The following RRM2B variants were observed in gnomAD, a reference collection of about 807,000 sequenced individuals.
The protein encoded by RRM2B is ribonucleoside-diphosphate reductase subunit M2 B.
In RRM2B, 20 loss-of-function variants were observed where a neutral mutation model predicts 45.9. The ratio of observed to expected loss-of-function variants is 0.44; its 90% CI spans 0.31 to 0.63. The LOEUF (loss-of-function observed/expected upper bound fraction) is 0.63, where lower values mean the gene tolerates loss of function less well. Ranked by LOEUF, RRM2B falls within the 30% of genes least tolerant of loss-of-function variation. The probability of loss-of-function intolerance (pLI) is 0.09; values close to 1 mark genes in which losing one functional copy is unlikely to be tolerated. For missense variants in RRM2B, 320 were observed against 414.7 expected (o/e 0.77, Z 1.98); for synonymous variants, 124 against 132.3 (o/e 0.94, Z 0.43).
At chr8:102,218,163 G>A (rs28928596) in intron 6 of RRM2B, among the ~76,000 whole-genome samples, 3,768 of 152,246 alleles carry the variant, frequency 0.025, 166 homozygotes, top group African/African-American at 0.086. Context: ...TGGGACAAAG[G>A]GTAGGTTTTC....
chr8:102,221,092 T>C (rs1366388866), intron 5 of RRM2B, among the ~76,000 whole-genome samples: 1 of 152,198 alleles, frequency 6.6e-6, no homozygotes, highest in Admixed American at 6.5e-5. Context: ...TATATTTGTT[T>C]TGAAGTTATT....
chr8:102,233,958 C>T (rs1372830571), intron 1 of RRM2B, among the ~76,000 whole-genome samples: 1 of 152,150 alleles, frequency 6.6e-6, no homozygotes, highest in Non-Finnish European at 1.5e-5. Flanking sequence ...GTAGCTAGGA[C>T]TATGTGCACA....
At chr8:102,217,312 CAACAA>C (rs2132548144) in intron 6 of RRM2B, among the ~76,000 whole-genome samples, 1 of 151,992 alleles carries the variant, frequency 6.6e-6, no homozygotes, top group Non-Finnish European at 1.5e-5. Context: ...AGAAATACTT[CAACAA>C]AACAGTAAAT....
rs1052793273 is a variant in RRM2B at position 102,205,516 on chromosome 8, G to T, written c.*2617C>A. 1.3e-5 allele frequency: 2 copies of T among 152,090 alleles called. No individual in the cohort carries two copies. The highest frequency in any genetic ancestry group is 4.8e-5 in the African/African-American group (2 of 41,434). The allele number at this position is 152,090 out of a possible 1,614,324, so 9.4% of individuals were successfully genotyped here. On this transcript the variant is annotated 3_prime_UTR_variant, in exon 9 of 9. Coordinates refer to ENST00000251810, the MANE Select transcript of RRM2B (RefSeq NM_015713.5). ...CAGCAAAACCCAGTCCTGTCTAAAAGCAATGGATCAAACTGTCTTCTCAAG... is the reference window on the plus strand; with the variant it reads ...CAGCAAAACCCAGTCCTGTCTAAAATCAATGGATCAAACTGTCTTCTCAAG...
At chr8:102,224,017 C>T (rs1810880517) in intron 5 of RRM2B, 29 bp downstream of exon 5, 3 of 1,476,780 alleles carry the variant, frequency 2.0e-6, no homozygotes. Context: ...TTAGGCAAAT[C>T]TGATCATACA....
rs780954366 is a variant in RRM2B, at chr8:102,238,580, G to A, written c.48+247C>T. ...TCACCCCGGCCTGAGGCCTCCAAGC[G>A]TCGTCCTTGGCTGGCCCCGGGGCAG... On this transcript the variant is annotated intron_variant, in intron 1 of 8. Transcript: ENST00000251810. The A allele has an allele frequency of 5.8e-5, 88 of 1,524,740 alleles. 3 individuals are homozygous for A. In the South Asian group the frequency reaches 7.3e-4, roughly 13 times the overall value. The allele number at this position is 1,524,740 out of a possible 1,614,324, so 94.5% of individuals were successfully genotyped here. A position where few individuals can be genotyped will look rare whatever the true frequency, so the allele number is the denominator to read the frequency against.
chr8:102,230,382 T>C (rs531358807), intron 2 of RRM2B, among the ~76,000 whole-genome samples: 1 of 152,372 alleles, frequency 6.6e-6, no homozygotes, highest in East Asian at 1.9e-4. Flanking sequence ...AGGTCACATA[T>C]TACCTTTGCT....
At chr8:102,216,807 T>C (rs1810738702) in intron 6 of RRM2B, among the ~76,000 whole-genome samples, 1 of 152,138 alleles carries the variant, frequency 6.6e-6, no homozygotes, top group South Asian at 2.1e-4. Flanking sequence ...AATAATGAGA[T>C]ACCAATTAAC....
At chr8:102,214,560 C>T (rs1810692861) in intron 6 of RRM2B, among the ~76,000 whole-genome samples, 1 of 149,186 alleles carries the variant, frequency 6.7e-6, no homozygotes. Context: ...ACTCAGATTT[C>T]AAAAATACAT....
chr8:102,219,000 T>C (rs968952934), intron 5 of RRM2B, 53 bp from the exon 6 acceptor site: 5 of 1,372,634 alleles, frequency 3.6e-6, no homozygotes, highest in Admixed American at 1.7e-5. Flanking sequence ...AACATTTGCA[T>C]ATATATATAT....
chr8:102,204,644 T>A lies in RRM2B; in HGVS notation c.*3489A>T, dbSNP rs540839717. ...AAAAATAAGAAAACAACTAATTTAT[T>A]TGAAAAAAAAACAAATTCTGTACAT... On this transcript the variant is annotated 3_prime_UTR_variant, in exon 9 of 9. Transcript: ENST00000251810. 6.6e-6 allele frequency: 1 copy of A among 152,080 alleles called. No homozygotes were observed. 9.4% of individuals were successfully genotyped at this position (152,080 alleles called of 1,614,324 possible).
At chr8:102,236,572 T>C (rs28999676) in intron 1 of RRM2B, among the ~76,000 whole-genome samples, 15,865 of 152,166 alleles carry the variant, frequency 0.1, 862 homozygotes, top group Middle Eastern at 0.16. Flanking sequence ...GAATTGAGAC[T>C]CTTTTGGGAG....
In RRM2B at chr8:102,235,686, A is replaced by G. The variant is rs544098050; in HGVS notation, c.48+3141T>C. 2.6e-5 allele frequency among the ~76,000 whole-genome samples: 4 copies of G among 152,320 alleles called. No individual in the cohort carries two copies. The East Asian group carries it at 7.7e-4, about 29-fold the overall frequency. On this transcript the variant is annotated intron_variant, in intron 1 of 8. Coordinates refer to ENST00000251810, the MANE Select transcript of RRM2B (RefSeq NM_015713.5). ...AAACCCCGTCTCTACTAAAAATACA[A>G]AAATTAGCCGGGCGTGGTGGCGTAC...
chr8:102,219,086 C>G (rs374709872), intron 5 of RRM2B, 139 bp from the exon 6 acceptor site: 2 of 904,000 alleles, frequency 2.2e-6, no homozygotes, highest in East Asian at 2.6e-5. Context: ...GGCCAAAGAT[C>G]TCCATAGGAG....
Position 102,228,396 on chromosome 8 carries a change from T to C in RRM2B, c.205-2362A>G, listed in dbSNP as rs564468158. Among the ~76,000 whole-genome samples, 8 of 152,318 alleles carry C rather than the reference T, an allele frequency of 5.3e-5. No homozygotes were observed. The South Asian group carries it at 1.7e-3, about 32-fold the overall frequency. The stretch of plus-strand genomic sequence containing the variant: ...TCTGTATTCACCACCCTTCGATTTG[T>C]TCATGTGATCTGATTTTTCCTGGAT... On this transcript the variant is annotated intron_variant, in intron 2 of 8. Transcript: ENST00000251810.
At chr8:102,216,184 G>A (rs552914604) in intron 6 of RRM2B, among the ~76,000 whole-genome samples, 1 of 152,074 alleles carries the variant, frequency 6.6e-6, no homozygotes, top group South Asian at 2.1e-4. Flanking sequence ...GCAAGTCAAT[G>A]AAGAAAGGAT....
chr8:102,238,739 A>G lies in RRM2B; in HGVS notation c.48+88T>C, dbSNP rs530764432. On this transcript the variant is annotated intron_variant, in intron 1 of 8. Transcript: ENST00000251810. ...GACAGGCCTGTCCTGACCGCGGCGA[A>G]TAACATTTCCTACAGCGGTCCTGCA... The G allele has an allele frequency of 1.2e-4, 197 of 1,605,598 alleles. 1 individual carries two copies. The East Asian group carries it at 4.2e-3, about 34-fold the overall frequency.
intron 2 of RRM2B, among the ~76,000 whole-genome samples, chr8:102,227,045 A>G (rs1348577126): frequency 6.6e-6 from 1 of 151,614 alleles, no homozygotes; most frequent in Non-Finnish European, 1.5e-5. Context: ...ATGGGGTCTC[A>G]CTATGTTGCC....
At position 102,220,480 on chromosome 8, in the gene RRM2B, C is replaced by T. The variant is rs192069458; in HGVS notation, c.551-1533G>A. 4.6e-5 allele frequency among the ~76,000 whole-genome samples: 7 copies of T among 152,246 alleles called. No individual in the cohort carries two copies. In the East Asian group the frequency reaches 1.3e-3, roughly 29 times the overall value. On this transcript the variant is annotated intron_variant, in intron 5 of 8. Transcript: ENST00000251810. Reference sequence around the variant, plus strand: ...ACAGTATGGGGTCTTGCTCTTGTCACCCAGGCTGTAGTGCAATGGTGCATT... The same window carrying T: ...ACAGTATGGGGTCTTGCTCTTGTCATCCAGGCTGTAGTGCAATGGTGCATT...
Sources: allele counts gnomAD v4.1 joint callset (sites outside exome capture counted in the v4.1 genomes callset), GRCh38; gene constraint gnomAD v4.1.1; transcripts MANE v1.5; gene names NCBI Gene and HGNC (gene_info 2026-07-23, HGNC 2026-07-21).